SPOCK1: variants seen among roughly 807,000 people sequenced by gnomAD.
SPOCK1 encodes SPARC (osteonectin), cwcv and kazal like domains proteoglycan 1, also known as testican-1.
Under a neutral mutation model 55.3 loss-of-function variants are expected in SPOCK1, and 23 were observed. That is an observed-to-expected ratio of 0.42 (90% CI 0.30 to 0.59). SPOCK1 has a LOEUF of 0.59. Among genes scored for constraint, SPOCK1 ranks in the 20% least tolerant of loss-of-function variants. SPOCK1 has a pLI of 0.22. For synonymous variants in SPOCK1, 226 were observed against 221.0 expected (o/e 1.02, Z -0.20); for missense variants, 499 against 552.5 (o/e 0.90, Z 0.97).
intron 2 of SPOCK1, among the ~76,000 whole-genome samples, chr5:137,368,003 A>T (rs1751113342): frequency 1.3e-5 from 2 of 151,978 alleles, no homozygotes; most frequent in African/African-American, 4.8e-5. Context: ...ATACTATCCA[A>T]CCGCCCCCAA....
At chr5:137,358,424 G>GGAAGGAAGGAAGGAAGGAAGGAA (rs1750865265) in intron 2 of SPOCK1, among the ~76,000 whole-genome samples, 4 of 53,420 alleles carry the variant, frequency 7.5e-5, no homozygotes, top group Non-Finnish European at 1.5e-4. Flanking sequence ...GAAGGAAGGA[G>GGAAGGAAGGAAGGAAGGAAGGAA]GAAAGAAAGA....
chr5:137,243,773 C>A (rs775475661), intron 3 of SPOCK1, among the ~76,000 whole-genome samples: 1 of 152,022 alleles, frequency 6.6e-6, no homozygotes, highest in Non-Finnish European at 1.5e-5. Context: ...GGTATGAGAC[C>A]TCCAGTTCTA....
chr5:137,247,177 C>T (rs1466229045), intron 3 of SPOCK1, among the ~76,000 whole-genome samples: 1 of 152,064 alleles, frequency 6.6e-6, no homozygotes, highest in Non-Finnish European at 1.5e-5. Flanking sequence ...GGATAAAAGG[C>T]CCATGTGCCA....
At chr5:137,262,478 A>G (rs1756762826) in intron 3 of SPOCK1, among the ~76,000 whole-genome samples, 1 of 152,102 alleles carries the variant, frequency 6.6e-6, no homozygotes, top group Admixed American at 6.5e-5. Flanking sequence ...GACCAACTCT[A>G]CTCACTTCCC....
chr5:137,332,419 T>C (rs1259731395), intron 2 of SPOCK1, among the ~76,000 whole-genome samples: 1 of 152,110 alleles, frequency 6.6e-6, no homozygotes, highest in Non-Finnish European at 1.5e-5. Flanking sequence ...TCATCCACCA[T>C]CTGCGCTCTG....
chr5:137,175,758 T>C (rs968408240), intron 3 of SPOCK1, among the ~76,000 whole-genome samples: 15 of 152,140 alleles, frequency 9.9e-5, no homozygotes, highest in Admixed American at 2.0e-4. Context: ...ACCTGGCATA[T>C]AGAATGTACT....
intron 3 of SPOCK1, among the ~76,000 whole-genome samples, chr5:137,184,986 T>C (rs1204120143): frequency 6.6e-6 from 1 of 152,238 alleles, no homozygotes; most frequent in Non-Finnish European, 1.5e-5. Context: ...GCTGATTCCC[T>C]GTGCAGAACT....
chr5:137,093,933 C>G (rs760060275), intron 5 of SPOCK1, among the ~76,000 whole-genome samples: 17 of 152,182 alleles, frequency 1.1e-4, no homozygotes, highest in Non-Finnish European at 2.4e-4. Flanking sequence ...CACTCAGCTG[C>G]TCTGTGAAGA....
intron 6 of SPOCK1, among the ~76,000 whole-genome samples, chr5:137,033,818 G>T (rs1751829538): frequency 6.6e-6 from 1 of 152,110 alleles, no homozygotes; most frequent in South Asian, 2.1e-4. Context: ...TGCCCAGGCT[G>T]GTCTTGAACT....
intron 2 of SPOCK1, chr5:137,313,529 G>A: frequency 2.0e-6 from 2 of 981,222 alleles, no homozygotes; most frequent in Non-Finnish European, 1.2e-6. Flanking sequence ...GGGATCCATA[G>A]GAGAGTCACA....
intron 4 of SPOCK1, among the ~76,000 whole-genome samples, chr5:137,137,141 A>G (rs1404475449): frequency 6.6e-6 from 1 of 152,192 alleles, no homozygotes; most frequent in African/African-American, 2.4e-5. Flanking sequence ...ATCTGCTTGC[A>G]AAGATAGCCT....
At chr5:137,461,805 G>A (rs4976447) in intron 2 of SPOCK1, among the ~76,000 whole-genome samples, 108,942 of 152,110 alleles carry the variant, frequency 0.72, 39,328 homozygotes, top group East Asian at 0.89. Flanking sequence ...TAAATCAGAA[G>A]TATCTTCCAG....
At chr5:137,182,565 A>C (rs1373320583) in intron 3 of SPOCK1, among the ~76,000 whole-genome samples, 2 of 152,084 alleles carry the variant, frequency 1.3e-5, no homozygotes, top group Non-Finnish European at 2.9e-5. Context: ...GATTCACCCC[A>C]CATTCCTGAC....
intron 2 of SPOCK1, among the ~76,000 whole-genome samples, chr5:137,457,676 T>C (rs1021530294): frequency 1.3e-5 from 2 of 152,196 alleles, no homozygotes; most frequent in Admixed American, 1.3e-4. Context: ...GTACCAACTA[T>C]GTGCCAAATA....
At chr5:137,387,535 G>C (rs1054675263) in intron 2 of SPOCK1, among the ~76,000 whole-genome samples, 7 of 152,194 alleles carry the variant, frequency 4.6e-5, no homozygotes, top group African/African-American at 1.7e-4. Flanking sequence ...AAAGAAGCCA[G>C]TGTGCAAAGG....
intron 6 of SPOCK1, among the ~76,000 whole-genome samples, chr5:137,024,313 A>AGGGCG (rs1561583021): frequency 3.9e-5 from 1 of 25,398 alleles, no homozygotes; most frequent in East Asian, 5.5e-4. Context: ...CACCAGTTTG[A>AGGGCG]AGGGGGGGGG....
intron 4 of SPOCK1, among the ~76,000 whole-genome samples, chr5:137,131,539 T>C (rs1312775715): frequency 2.7e-5 from 4 of 146,518 alleles, no homozygotes; most frequent in Admixed American, 6.8e-5. Context: ...ACCCGGGAGG[T>C]GGAAGTTGCA....
chr5:137,090,886 T>A (rs919998979), intron 5 of SPOCK1, among the ~76,000 whole-genome samples: 1 of 152,146 alleles, frequency 6.6e-6, no homozygotes, highest in Non-Finnish European at 1.5e-5. Flanking sequence ...TTTCTTTCAG[T>A]ATTCTCTGGC....
At chr5:137,169,071 G>A (rs1197591398) in intron 3 of SPOCK1, among the ~76,000 whole-genome samples, 2 of 152,120 alleles carry the variant, frequency 1.3e-5, no homozygotes, top group East Asian at 3.9e-4. Flanking sequence ...ATTACGTTAA[G>A]GGAAGTGGCT....
Sources: gnomAD v4.1 joint callset for allele counts (sites outside exome capture counted in the v4.1 genomes callset) on GRCh38, gnomAD v4.1.1 for gene constraint, MANE v1.5 for transcripts, NCBI Gene and HGNC (gene_info 2026-07-23, HGNC 2026-07-21) for gene names.